The following CROT variants were observed in gnomAD, a reference collection of about 807,000 sequenced individuals.
CROT encodes peroxisomal carnitine O-octanoyltransferase.
A neutral mutation model predicts 89.2 loss-of-function variants in CROT; 84 were observed. The ratio of observed to expected loss-of-function variants is 0.94; its 90% CI spans 0.79 to 1.13. CROT has a LOEUF of 1.13. CROT is among the 50% of genes most tolerant of loss of function. The probability of loss-of-function intolerance (pLI) is 0.00; values close to 1 mark genes in which losing one functional copy is unlikely to be tolerated. For missense variants in CROT, 711 were observed against 727.8 expected (o/e 0.98, Z 0.27); for synonymous variants, 212 against 239.5 (o/e 0.89, Z 1.06).
chr7:87,367,904 C>T (rs1806496358), intron 6 of CROT, among the ~76,000 whole-genome samples: 1 of 152,166 alleles, frequency 6.6e-6, no homozygotes, highest in African/African-American at 2.4e-5. Flanking sequence ...ACTTGGCATA[C>T]CTTCTCTTCA....
chr7:87,381,691 G>A (rs962215471), intron 10 of CROT, among the ~76,000 whole-genome samples: 53 of 152,060 alleles, frequency 3.5e-4, no homozygotes, highest in Admixed American at 2.0e-4. Flanking sequence ...GCCCTACTAG[G>A]TGCTTCCAAA....
chr7:87,381,332 C>T (rs145144501), intron 10 of CROT, among the ~76,000 whole-genome samples: 2 of 152,294 alleles, frequency 1.3e-5, no homozygotes, highest in East Asian at 3.9e-4. Flanking sequence ...CTAAATACAC[C>T]TGGCAAACCT....
At chr7:87,358,481 C>A (rs1428097003) in intron 3 of CROT, among the ~76,000 whole-genome samples, 679 of 95,474 alleles carry the variant, frequency 7.1e-3, no homozygotes, top group South Asian at 0.011. Context: ...GACTCCATCT[C>A]AAAAAAAAAA....
At chr7:87,372,007 C>A (rs73196409) in intron 7 of CROT, among the ~76,000 whole-genome samples, 13,360 of 121,424 alleles carry the variant, frequency 0.11, 702 homozygotes, top group Non-Finnish European at 0.16. Context: ...AAAAAAAAAA[C>A]AAAAAAAAAA....
In CROT at chr7:87,349,202, A is replaced by G; in HGVS notation, c.115+19A>G. ...GAATCAGGTATGTTAATAATCTTTT[A>G]GTATATATTAATATTATTAGTAACT... On this transcript the variant is annotated intron_variant, in intron 3 of 17. Transcript: ENST00000331536. The G allele has an allele frequency of 8.2e-7, 1 of 1,215,566 alleles. No homozygotes were observed. The highest frequency in any genetic ancestry group is 1.2e-6 in the Non-Finnish European group (1 of 852,058). 75.3% of individuals were successfully genotyped at this position (1,215,566 alleles called of 1,614,324 possible). A position where few individuals can be genotyped will look rare whatever the true frequency, so the allele number is the denominator to read the frequency against.
intron 17 of CROT, among the ~76,000 whole-genome samples, chr7:87,397,558 G>A (rs1807577159): frequency 6.6e-6 from 1 of 152,178 alleles, no homozygotes; most frequent in South Asian, 2.1e-4. Context: ...AATCTGTGGA[G>A]AGAAACATGT....
At chr7:87,347,805 G>A (rs948807369) in intron 2 of CROT, among the ~76,000 whole-genome samples, 5 of 151,962 alleles carry the variant, frequency 3.3e-5, no homozygotes, top group East Asian at 1.9e-4. Flanking sequence ...TGTTTAGTTC[G>A]TCACTACCTA....
chr7:87,361,856 A>G lies in CROT; in HGVS notation c.547+4A>G. 1 of 1,575,176 alleles carries G rather than the reference A, an allele frequency of 6.3e-7. No homozygotes were observed. The highest frequency in any genetic ancestry group is 8.6e-7 in the Non-Finnish European group (1 of 1,165,500). ...ATTATGAATTATTTTAGGACTGGTA[A>G]GTAAAAATGCAGATATCGTTTTTAG... On this transcript the variant is annotated splice_donor_region_variant and intron_variant, in intron 6 of 17. Transcript: ENST00000331536.
At chr7:87,367,731 T>A (rs978904037) in intron 6 of CROT, among the ~76,000 whole-genome samples, 2 of 152,208 alleles carry the variant, frequency 1.3e-5, no homozygotes, top group African/African-American at 4.8e-5. Context: ...TCTCTGCTGC[T>A]TATCAGTTTT....
At chr7:87,387,212 G>A (rs906691186) in intron 13 of CROT, among the ~76,000 whole-genome samples, 1 of 151,896 alleles carries the variant, frequency 6.6e-6, no homozygotes, top group African/African-American at 2.4e-5. Flanking sequence ...AGTGAAGCCA[G>A]ATTGCTTCTA....
chr7:87,374,664 G>A (rs912529984), intron 7 of CROT, among the ~76,000 whole-genome samples: 2 of 151,958 alleles, frequency 1.3e-5, no homozygotes. Flanking sequence ...TGTTCCTCAG[G>A]ACACCATTAA....
chr7:87,391,565 C>T (rs764807271), intron 13 of CROT, 24 bp from the exon 14 acceptor site: 13 of 1,578,860 alleles, frequency 8.2e-6, no homozygotes, highest in African/African-American at 1.4e-5. Flanking sequence ...TCTTATGATA[C>T]ACTCTTTTAA....
chr7:87,363,898 A>AT (rs1806359080), intron 6 of CROT, among the ~76,000 whole-genome samples: 1 of 152,016 alleles, frequency 6.6e-6, no homozygotes, highest in African/African-American at 2.4e-5. Flanking sequence ...TGTATTTTGG[A>AT]TTTTGGGTTA....
chr7:87,366,110 C>T (rs1806438474), intron 6 of CROT, among the ~76,000 whole-genome samples: 1 of 152,170 alleles, frequency 6.6e-6, no homozygotes, highest in Non-Finnish European at 1.5e-5. Flanking sequence ...CTTCCCCAAA[C>T]CCTTCTGCTG....
chr7:87,376,416 T>C (rs1273255276), intron 9 of CROT, among the ~76,000 whole-genome samples: 1 of 152,082 alleles, frequency 6.6e-6, no homozygotes, highest in African/African-American at 2.4e-5. Context: ...GCTGAACACA[T>C]TGATGTCAGT....
chr7:87,355,465 T>G (rs1345459416), intron 3 of CROT, among the ~76,000 whole-genome samples: 2 of 152,190 alleles, frequency 1.3e-5, no homozygotes, highest in Non-Finnish European at 2.9e-5. Context: ...CCTTTTTACC[T>G]TCTTTCATAG....
intron 10 of CROT, among the ~76,000 whole-genome samples, chr7:87,381,403 A>G (rs989141455): frequency 2.0e-5 from 3 of 152,172 alleles, no homozygotes; most frequent in African/African-American, 7.2e-5. Context: ...GAATTATCAC[A>G]TTGGGACATT....
intron 14 of CROT, among the ~76,000 whole-genome samples, 154 bp from the exon 15 acceptor site, chr7:87,392,412 C>T (rs1394646935): frequency 6.6e-6 from 1 of 152,130 alleles, no homozygotes; most frequent in Non-Finnish European, 1.5e-5. Flanking sequence ...GATAGAATAA[C>T]TGATGGAAAG....
chr7:87,377,200 A>G (rs899772829), intron 9 of CROT, 149 bp from the exon 10 acceptor site: 5 of 508,872 alleles, frequency 9.8e-6, no homozygotes, highest in Non-Finnish European at 1.0e-5. Flanking sequence ...CATATCACAT[A>G]TCAGTGTTGC....
Sources: allele counts gnomAD v4.1 joint callset (sites outside exome capture counted in the v4.1 genomes callset), GRCh38; gene constraint gnomAD v4.1.1; transcripts MANE v1.5; gene names NCBI Gene and HGNC (gene_info 2026-07-23, HGNC 2026-07-21).